The following TMCO5A variants were observed in gnomAD, a reference collection of about 807,000 sequenced individuals.
The protein encoded by TMCO5A is transmembrane and coiled-coil domain-containing protein 5A.
A neutral mutation model predicts 42.3 loss-of-function variants in TMCO5A; 34 were observed. The ratio of observed to expected loss-of-function variants is 0.80; its 90% CI spans 0.61 to 1.07. The LOEUF (loss-of-function observed/expected upper bound fraction) is 1.07. Among genes scored for constraint, TMCO5A ranks in the 50% least tolerant of loss-of-function variants. The probability of loss-of-function intolerance (pLI) is 0.00; values close to 1 mark genes in which losing one functional copy is unlikely to be tolerated. For synonymous variants in TMCO5A, 131 were observed against 115.6 expected (o/e 1.13, Z -0.86); for missense variants, 357 against 327.9 (o/e 1.09, Z -0.69).
chr15:38,015,563 A>T, the TMCO5A span, among the ~76,000 whole-genome samples: 3 of 152,170 alleles, frequency 2.0e-5, no homozygotes, highest in African/African-American at 7.2e-5. Context: ...TTTACCCAAA[A>T]ATTTGAACAC....
chr15:37,960,841 G>C (rs1890406227), intron 11 of TMCO5A, among the ~76,000 whole-genome samples: 1 of 152,074 alleles, frequency 6.6e-6, no homozygotes, highest in Non-Finnish European at 1.5e-5. Context: ...TTTGAGAATT[G>C]TCTATTCATG....
At chr15:37,991,704 T>A in the TMCO5A span, among the ~76,000 whole-genome samples, 35,585 of 151,930 alleles carry the variant, frequency 0.23, 9,463 homozygotes, top group African/African-American at 0.65. Context: ...CCTTCAATAA[T>A]TTTTTTATTT....
the TMCO5A span, among the ~76,000 whole-genome samples, chr15:38,012,507 T>C: frequency 6.6e-6 from 1 of 152,038 alleles, no homozygotes; most frequent in Non-Finnish European, 1.5e-5. Context: ...TTGTCTCAAC[T>C]CCCAATAGGA....
At chr15:37,947,763 G>GTTT in intron 11 of TMCO5A, 67 bp downstream of exon 11, 1 of 1,100,426 alleles carries the variant, frequency 9.1e-7, no homozygotes, top group Non-Finnish European at 1.4e-6. Flanking sequence ...TTCGGGCAGA[G>GTTT]GGAAAAGTCT....
chr15:37,957,407 A>G (rs1450078831), intron 11 of TMCO5A, among the ~76,000 whole-genome samples: 1 of 151,884 alleles, frequency 6.6e-6, no homozygotes, highest in Non-Finnish European at 1.5e-5. Flanking sequence ...AGGATACAAA[A>G]TCAATGTGCA....
chr15:37,982,763 AT>A, the TMCO5A span, among the ~76,000 whole-genome samples: 7 of 145,476 alleles, frequency 4.8e-5, no homozygotes, highest in Admixed American at 4.2e-4. Flanking sequence ...TAATATATAA[AT>A]ATATTGAGTT....
intron 11 of TMCO5A, among the ~76,000 whole-genome samples, chr15:37,961,654 T>C (rs548844834): frequency 1.3e-5 from 2 of 152,306 alleles, no homozygotes; most frequent in South Asian, 2.1e-4. Context: ...ATATTGATTC[T>C]ACCCATCCGT....
chr15:38,033,141 G>T, the TMCO5A span, among the ~76,000 whole-genome samples: 2 of 152,100 alleles, frequency 1.3e-5, no homozygotes, highest in Non-Finnish European at 2.9e-5. Flanking sequence ...TGTTAGCCAG[G>T]ATGGTCTCGA....
chr15:38,011,307 G>A, the TMCO5A span, among the ~76,000 whole-genome samples: 1 of 152,168 alleles, frequency 6.6e-6, no homozygotes, highest in Non-Finnish European at 1.5e-5. Flanking sequence ...GTGGACAGAA[G>A]CTACTCTCAG....
the TMCO5A span, among the ~76,000 whole-genome samples, chr15:38,039,836 C>T: frequency 6.6e-6 from 1 of 152,178 alleles, no homozygotes; most frequent in Non-Finnish European, 1.5e-5. Flanking sequence ...TCTCAGTCTT[C>T]GTGGGTCAGA....
At chr15:38,035,287 CAT>C in the TMCO5A span, among the ~76,000 whole-genome samples, 3 of 152,164 alleles carry the variant, frequency 2.0e-5, no homozygotes, top group Non-Finnish European at 2.9e-5. Context: ...AATATTTAGA[CAT>C]GTAGGATGCC....
the TMCO5A span, among the ~76,000 whole-genome samples, chr15:38,021,517 T>C: frequency 5.3e-5 from 8 of 152,208 alleles, no homozygotes; most frequent in East Asian, 1.2e-3. Flanking sequence ...TAATCTATTA[T>C]TGGACTTGGT....
At chr15:37,982,228 C>T in the TMCO5A span, among the ~76,000 whole-genome samples, 1 of 151,984 alleles carries the variant, frequency 6.6e-6, no homozygotes, top group African/African-American at 2.4e-5. Context: ...TGAGACACTA[C>T]CTACCATTTT....
intron 11 of TMCO5A, among the ~76,000 whole-genome samples, chr15:37,962,705 T>C (rs1890459863): frequency 6.6e-6 from 1 of 152,126 alleles, no homozygotes; most frequent in Non-Finnish European, 1.5e-5. Context: ...CAAATTGCCA[T>C]TTCTATCTCA....
At chr15:37,952,281 C>G (rs1173002494), downstream of TMCO5A, among the ~76,000 whole-genome samples, 2 of 152,034 alleles carry the variant, frequency 1.3e-5, no homozygotes, top group African/African-American at 2.4e-5. Context: ...CTCCCCTAAT[C>G]CCAGGCAGCA....
At chr15:38,006,544 C>T in the TMCO5A span, among the ~76,000 whole-genome samples, 1 of 152,282 alleles carries the variant, frequency 6.6e-6, no homozygotes, top group East Asian at 1.9e-4. Flanking sequence ...TCTAAGAAAA[C>T]ACAGAACATA....
chr15:37,960,223 C>T (rs989310605), intron 11 of TMCO5A, among the ~76,000 whole-genome samples: 1 of 151,910 alleles, frequency 6.6e-6, no homozygotes, highest in Non-Finnish European at 1.5e-5. Context: ...TCCATTGTAT[C>T]ATTCTTATGC....
chr15:37,947,112 A>T (rs966509654), intron 10 of TMCO5A, among the ~76,000 whole-genome samples: 3 of 152,142 alleles, frequency 2.0e-5, no homozygotes, highest in African/African-American at 7.2e-5. Context: ...TGAGATAATC[A>T]TGGGTTTTTG....
intron 11 of TMCO5A, among the ~76,000 whole-genome samples, chr15:37,965,393 C>A (rs1276411437): frequency 6.6e-6 from 1 of 152,038 alleles, no homozygotes; most frequent in Admixed American, 6.6e-5. Flanking sequence ...GCAACCAAGA[C>A]AAAAGTGGAC....
Sources: gnomAD v4.1 joint callset for allele counts (sites outside exome capture counted in the v4.1 genomes callset) on GRCh38, gnomAD v4.1.1 for gene constraint, MANE v1.5 for transcripts, NCBI Gene and HGNC (gene_info 2026-07-23, HGNC 2026-07-21) for gene names.